Variants in RALGAPA1 observed in about 807,000 individuals in gnomAD.
RALGAPA1 encodes the protein Ral GTPase activating protein catalytic subunit alpha 1.
Under a neutral mutation model 269.6 loss-of-function variants are expected in RALGAPA1, and 52 were observed. That is an observed-to-expected ratio of 0.19 (90% confidence interval 0.15 to 0.24). The LOEUF (loss-of-function observed/expected upper bound fraction) is 0.24. Ranked by LOEUF, RALGAPA1 falls within the 10% of genes least tolerant of loss-of-function variation. The pLI, the probability that RALGAPA1 is intolerant of heterozygous loss-of-function variation, is 1.00. For synonymous variants in RALGAPA1, 817 were observed against 1,008.3 expected, an observed-to-expected ratio of 0.81 and a Z score of 3.60; for missense variants, 1,917 against 3,013.9, an observed-to-expected ratio of 0.64 and a Z score of 8.52.
chr14:35,750,718 C>A, intron 8 of RALGAPA1, 28 bp from the exon 9 acceptor site: 8 of 1,510,738 alleles, frequency 5.3e-6, no homozygotes, highest in South Asian at 2.5e-5. Context: ...AAGATGAAAA[C>A]CAAAATAAGA....
intron 10 of RALGAPA1, among the ~76,000 whole-genome samples, chr14:35,742,805 A>G (rs1201028146): frequency 6.6e-6 from 1 of 152,104 alleles, no homozygotes; most frequent in Non-Finnish European, 1.5e-5. Flanking sequence ...AATAGAGACC[A>G]CAACACTTAC....
chr14:35,606,965 G>A (rs1052680891), intron 35 of RALGAPA1, among the ~76,000 whole-genome samples: 62 of 152,084 alleles, frequency 4.1e-4, no homozygotes, highest in African/African-American at 1.2e-3. Context: ...CTTTCAGTGC[G>A]TCAGATGTAT....
chr14:35,743,228 C>T (rs1040616863), intron 10 of RALGAPA1, among the ~76,000 whole-genome samples: 2 of 151,812 alleles, frequency 1.3e-5, no homozygotes, highest in African/African-American at 2.4e-5. Flanking sequence ...ATCTGCTGTA[C>T]ATTTATTTAT....
Position 35,625,448 on chromosome 14 carries a change from T to A in RALGAPA1, c.6858-16A>T. 3.8e-6 allele frequency: 6 copies of A among 1,568,212 alleles called. No individual in the cohort carries two copies. Among genetic ancestry groups the A allele is most frequent in the Non-Finnish European group, 5.2e-6 (6 of 1,147,338 alleles). On this transcript the variant is annotated splice_polypyrimidine_tract_variant and intron_variant, in intron 34 of 41. Coordinates refer to ENST00000680220, the MANE Select transcript of RALGAPA1 (RefSeq NM_001346249.2). ...AAAGCTCCTCCTAAATAGAGAGATT[T>A]ATAAACATTTTCATCACCTTTGCAG...
chr14:35,681,123 A>G (rs2065400511), intron 21 of RALGAPA1, among the ~76,000 whole-genome samples: 1 of 152,214 alleles, frequency 6.6e-6, no homozygotes, highest in Admixed American at 6.5e-5. Flanking sequence ...TTTCAGGACT[A>G]CTAACATCCC....
chr14:35,683,717 A>G, intron 21 of RALGAPA1, 92 bp downstream of exon 21: 1 of 926,072 alleles, frequency 1.1e-6, no homozygotes. Flanking sequence ...AAATAGTAAT[A>G]AGTAATACTT....
chr14:35,596,476 G>T (rs2058937899), intron 36 of RALGAPA1, among the ~76,000 whole-genome samples: 1 of 151,998 alleles, frequency 6.6e-6, no homozygotes, highest in African/African-American at 2.4e-5. Flanking sequence ...AAAATCGCCA[G>T]TATTTCCCTA....
chr14:35,790,843 G>T (rs1016247042), intron 1 of RALGAPA1, among the ~76,000 whole-genome samples: 4 of 152,150 alleles, frequency 2.6e-5, no homozygotes, highest in Admixed American at 1.3e-4. Flanking sequence ...TTTTGTAACA[G>T]AAGTCTGCAA....
chr14:35,641,545 A>G (rs989092128), intron 31 of RALGAPA1, among the ~76,000 whole-genome samples: 9 of 152,208 alleles, frequency 5.9e-5, no homozygotes, highest in African/African-American at 1.9e-4. Flanking sequence ...CTAAGAAGTG[A>G]AAGATTTCTA....
intron 36 of RALGAPA1, among the ~76,000 whole-genome samples, chr14:35,596,189 A>G (rs1017865420): frequency 8.5e-5 from 13 of 152,100 alleles, no homozygotes; most frequent in Non-Finnish European, 1.9e-4. Flanking sequence ...GTATTTACTC[A>G]TAAAACTGGC....
chr14:35,763,478 C>T (rs757398445), intron 4 of RALGAPA1, among the ~76,000 whole-genome samples: 5 of 151,746 alleles, frequency 3.3e-5, no homozygotes, highest in Admixed American at 6.6e-5. Context: ...ATTTATAAAT[C>T]CATAAAAAAT....
chr14:35,710,404 T>C (rs1349105178), intron 16 of RALGAPA1, among the ~76,000 whole-genome samples: 1 of 152,188 alleles, frequency 6.6e-6, no homozygotes, highest in Non-Finnish European at 1.5e-5. Context: ...AACGGGCATG[T>C]GCCAACAAGC....
intron 4 of RALGAPA1, chr14:35,766,630 G>A (rs1169265952): frequency 6.9e-6 from 5 of 726,048 alleles, no homozygotes; most frequent in African/African-American, 1.7e-5. Flanking sequence ...GCAACCAGAC[G>A]AGAAGGGTTC....
At chr14:35,668,758 T>C (rs768246434) in intron 26 of RALGAPA1, among the ~76,000 whole-genome samples, 4 of 152,188 alleles carry the variant, frequency 2.6e-5, no homozygotes, top group Non-Finnish European at 5.9e-5. Context: ...TGAGCCTCGA[T>C]TGTGCCACTG....
intron 19 of RALGAPA1, among the ~76,000 whole-genome samples, chr14:35,686,027 A>T (rs922938649): frequency 1.3e-5 from 2 of 152,210 alleles, no homozygotes; most frequent in African/African-American, 4.8e-5. Flanking sequence ...TTCCAAAGTT[A>T]TCTAAAATGG....
At chr14:35,706,298 T>G (rs529539349) in intron 16 of RALGAPA1, among the ~76,000 whole-genome samples, 1 of 152,290 alleles carries the variant, frequency 6.6e-6, no homozygotes, top group South Asian at 2.1e-4. Flanking sequence ...ATGATCTGAG[T>G]TAATTTTTGT....
intron 4 of RALGAPA1, among the ~76,000 whole-genome samples, chr14:35,769,239 G>T (rs115287578): frequency 0.011 from 1,614 of 151,614 alleles, 30 homozygotes; most frequent in African/African-American, 0.037. Flanking sequence ...ACAAAATCAA[G>T]GATGAAAGCG....
intron 15 of RALGAPA1, among the ~76,000 whole-genome samples, chr14:35,722,148 G>A (rs2069476200): frequency 6.6e-6 from 1 of 152,126 alleles, no homozygotes; most frequent in African/African-American, 2.4e-5. Context: ...GACAGGAAAG[G>A]TGCTAAACAA....
intron 1 of RALGAPA1, among the ~76,000 whole-genome samples, chr14:35,776,439 T>C (rs1448992521): frequency 1.3e-5 from 2 of 150,716 alleles, no homozygotes; most frequent in African/African-American, 4.9e-5. Context: ...ATTCTGTAAA[T>C]AGGTACCTAA....
Sources: gnomAD v4.1 joint callset for allele counts (sites outside exome capture counted in the v4.1 genomes callset) on GRCh38, gnomAD v4.1.1 for gene constraint, MANE v1.5 for transcripts, NCBI Gene and HGNC (gene_info 2026-07-23, HGNC 2026-07-21) for gene names.